Variants in MAPKAPK5 observed in about 807,000 individuals in gnomAD.
MAPKAPK5 encodes MAP kinase-activated protein kinase 5.
MAPKAPK5 carries 30 observed loss-of-function variants against 65.1 expected under a neutral mutation model. The observed-to-expected ratio is 0.46, with a 90% CI of 0.34 to 0.63. The LOEUF is 0.63. Ranked by LOEUF, MAPKAPK5 falls within the 20% of genes least tolerant of loss-of-function variation. The pLI, the probability that MAPKAPK5 is intolerant of heterozygous loss-of-function variation, is 0.01. For synonymous variants in MAPKAPK5, 179 were observed against 204.6 expected, an observed-to-expected ratio of 0.87 and a Z score of 1.07; for missense variants, 433 against 581.4, an observed-to-expected ratio of 0.74 and a Z score of 2.63.
At chr12:111,889,795 C>A in intron 12 of MAPKAPK5, 1 of 401,276 alleles carries the variant, frequency 2.5e-6, no homozygotes, top group South Asian at 3.0e-5. Context: ...TATTTCCCAT[C>A]CCCTGGTGCT....
intron 7 of MAPKAPK5, among the ~76,000 whole-genome samples, chr12:111,876,335 A>G (rs1056640245): frequency 3.9e-5 from 6 of 152,044 alleles, no homozygotes; most frequent in Non-Finnish European, 5.9e-5. Context: ...AAAACTACCT[A>G]TGTGGTATTA....
chr12:111,883,594 G>GGTA lies in MAPKAPK5; in HGVS notation c.676_677insAGT (p.Trp225_Ser226insTer), dbSNP rs1235292061. 6.2e-7 allele frequency: 1 copy of GGTA among 1,610,820 alleles called. No individual in the cohort carries two copies. Among genetic ancestry groups the GGTA allele is most frequent in the Non-Finnish European group, 8.5e-7 (1 of 1,178,776 alleles). On this transcript the variant is annotated stop_gained and inframe_insertion, in exon 9 of 14. Transcript: ENST00000550735. LOFTEE classifies it high-confidence loss of function. This position sits in a 1 kb window ranked among gnomAD's most constrained non-coding sequence, Gnocchi z 4.8. ...TTTTGCTTTCAGAGCTGTGACTTGT[G>GGTA]GTCCCTAGGGGTGATTATCTATGTG...
intron 10 of MAPKAPK5, 117 bp downstream of exon 10, chr12:111,886,153 G>T (rs1031277504): frequency 7.0e-7 from 1 of 1,419,720 alleles, no homozygotes; most frequent in African/African-American, 1.4e-5. Flanking sequence ...CCTTCCCAGA[G>T]AAACATCTCT....
At chr12:111,852,161 A>G (rs2069105173) in intron 1 of MAPKAPK5, among the ~76,000 whole-genome samples, 1 of 152,206 alleles carries the variant, frequency 6.6e-6, no homozygotes. Context: ...GTGAAAGCAA[A>G]TGGTGGAAGA....
chr12:111,852,223 TCAGA>T lies in MAPKAPK5; in HGVS notation c.36+9459_36+9462del, dbSNP rs540648103. ...TTAGAGAAATGGAAAAGCAAAAAAGTCAGACAGAAATGAGGATGTATTTTTGTAA... is the reference window on the plus strand; with the variant it reads ...TTAGAGAAATGGAAAAGCAAAAAAGTCAGAAATGAGGATGTATTTTTGTAA... On this transcript the variant is annotated intron_variant, in intron 1 of 13. Transcript: ENST00000550735. Among the ~76,000 whole-genome samples the T allele has an allele frequency of 1.7e-4, 26 of 152,256 alleles. No individual in the cohort carries two copies. In the South Asian group the frequency reaches 5.0e-3, roughly 29 times the overall value.
At chr12:111,876,876 T>C (rs1468467096) in intron 7 of MAPKAPK5, among the ~76,000 whole-genome samples, 1 of 150,626 alleles carries the variant, frequency 6.6e-6, no homozygotes, top group Non-Finnish European at 1.5e-5. Flanking sequence ...CTGTTTTCCA[T>C]AGTGGTCATA....
chr12:111,866,900 C>A (rs1310096808), intron 3 of MAPKAPK5, among the ~76,000 whole-genome samples: 4 of 151,972 alleles, frequency 2.6e-5, no homozygotes, highest in Admixed American at 6.6e-5. Flanking sequence ...CTGTGCCCGG[C>A]CTTTAGTTTT....
chr12:111,888,213 G>A (rs1390519369), intron 10 of MAPKAPK5: 1 of 350,160 alleles, frequency 2.9e-6, no homozygotes, highest in Non-Finnish European at 5.3e-6. Flanking sequence ...GTGGCTTTGA[G>A]TGGGGTTCCT....
rs568233891 is a variant in MAPKAPK5, at chr12:111,847,827, G to C, written c.36+5058G>C. Among the ~76,000 whole-genome samples, 109 of 152,204 alleles carry C rather than the reference G, an allele frequency of 7.2e-4. 1 individual carries two copies. Among genetic ancestry groups the C allele is most frequent in the African/African-American group, 2.6e-3 (107 of 41,528 alleles). On this transcript the variant is annotated intron_variant, in intron 1 of 13. Transcript: ENST00000550735. ...CCCCTTACGGCCACTGATTTGCTTT[G>C]TCACTATAGTTTTTGCCTTCTCCAG...
intron 8 of MAPKAPK5, among the ~76,000 whole-genome samples, chr12:111,881,402 C>CTTTTTTTTTTTTTTTTTTTTTTTTTTTTT (rs1274226182): frequency 4.3e-5 from 5 of 116,744 alleles, no homozygotes; most frequent in African/African-American, 1.0e-4. Flanking sequence ...CCTGTCTGTT[C>CTTTTTTTTTTTTTTTTTTTTTTTTTTTTT]CTTTTTTTTT....
In MAPKAPK5 at chr12:111,878,581, G is replaced by A. The variant is rs576528992; in HGVS notation, c.580-1866G>A. ...ATTACAGGCACCTGCCACTACGCCC[G>A]GATAATTTTTTGTATTTTTAGTAGA... On this transcript the variant is annotated intron_variant, in intron 7 of 13. Coordinates refer to ENST00000550735, the MANE Select transcript of MAPKAPK5 (RefSeq NM_003668.4). Among the ~76,000 whole-genome samples, 15 of 151,890 alleles carry A rather than the reference G, an allele frequency of 9.9e-5. No homozygotes were observed. The South Asian group carries it at 1.3e-3, about 13-fold the overall frequency.
intron 3 of MAPKAPK5, 144 bp from the exon 4 acceptor site, chr12:111,867,428 T>TA: frequency 1.8e-6 from 1 of 554,124 alleles, no homozygotes. Flanking sequence ...ATTAAGGAGA[T>TA]AATCTTTGAA....
chr12:111,879,180 TAA>T (rs2070104022), intron 7 of MAPKAPK5, among the ~76,000 whole-genome samples: 1 of 152,212 alleles, frequency 6.6e-6, no homozygotes, highest in South Asian at 2.1e-4. Flanking sequence ...GTTTGTCTCA[TAA>T]TTTTGCTCAG....
rs1182966027 is a variant in MAPKAPK5 at position 111,867,679 on chromosome 12, C to T, written c.284+10C>T. 4 of 1,601,132 alleles carry T rather than the reference C, an allele frequency of 2.5e-6. No homozygotes were observed. The African/African-American group carries it at 4.0e-5, about 16-fold the overall frequency. On this transcript the variant is annotated intron_variant, in intron 4 of 13. Transcript: ENST00000550735. Reference sequence around the variant, plus strand: ...ATGAGTCCAGCCCTAGGTAAGACTACACAGTGTCATCATCAAATGCCCACA... The same window carrying T: ...ATGAGTCCAGCCCTAGGTAAGACTATACAGTGTCATCATCAAATGCCCACA...
At chr12:111,844,889 A>G (rs1358423635) in intron 1 of MAPKAPK5, among the ~76,000 whole-genome samples, 1 of 152,186 alleles carries the variant, frequency 6.6e-6, no homozygotes, top group African/African-American at 2.4e-5. Context: ...AGGAAGAGCA[A>G]GGTGGCTGGA....
chr12:111,865,549 CGAG>C (rs1459950144), intron 2 of MAPKAPK5, among the ~76,000 whole-genome samples: 2 of 151,978 alleles, frequency 1.3e-5, no homozygotes, highest in African/African-American at 4.8e-5. Flanking sequence ...TTTAAGATGT[CGAG>C]ACTGGCCAGG....
intron 1 of MAPKAPK5, among the ~76,000 whole-genome samples, chr12:111,843,769 G>A (rs1343499551): frequency 6.6e-6 from 1 of 152,172 alleles, no homozygotes; most frequent in Non-Finnish European, 1.5e-5. Context: ...CTTTAAAGGA[G>A]GCATCAACAT....
Position 111,897,454 on chromosome 12 carries a change from ATTAT to A in MAPKAPK5, c.*4401_*4404del, listed in dbSNP as rs1205499510. 7 of 152,210 alleles carry A rather than the reference ATTAT, an allele frequency of 4.6e-5. No homozygotes were observed. The East Asian group carries it at 7.7e-4, about 17-fold the overall frequency. 9.4% of individuals were successfully genotyped at this position (152,210 alleles called of 1,614,324 possible). On this transcript the variant is annotated 3_prime_UTR_variant, in exon 14 of 14. Transcript: ENST00000550735. The stretch of plus-strand genomic sequence containing the variant: ...TTAGAAAATTGGATATTTCATTTTA[ATTAT>A]TTATTTAAAGAGTAGAGTGTTCTTC...
intron 4 of MAPKAPK5, among the ~76,000 whole-genome samples, chr12:111,868,262 C>T (rs1593152854): frequency 6.6e-6 from 1 of 152,038 alleles, no homozygotes; most frequent in Non-Finnish European, 1.5e-5. Flanking sequence ...GATGTAAACC[C>T]ATCATCATAG....
Sources: gnomAD v4.1 joint callset for allele counts (sites outside exome capture counted in the v4.1 genomes callset) on GRCh38, gnomAD v4.1.1 for gene constraint, Gnocchi (gnomAD v3.1) non-coding constraint, MANE v1.5 for transcripts, NCBI Gene and HGNC (gene_info 2026-07-23, HGNC 2026-07-21) for gene names.